The following RBFOX1 variants were observed in gnomAD, a reference collection of about 807,000 sequenced individuals.
The protein encoded by RBFOX1 is RNA binding protein fox-1 homolog 1.
Under a neutral mutation model 57.7 loss-of-function variants are expected in RBFOX1, and 8 were observed. The ratio of observed to expected loss-of-function variants is 0.14; its 90% CI spans 0.08 to 0.25. RBFOX1 has a LOEUF of 0.25. Among genes scored for constraint, RBFOX1 ranks in the 10% least tolerant of loss-of-function variants. The probability of loss-of-function intolerance (pLI) is 1.00; values close to 1 mark genes in which losing one functional copy is unlikely to be tolerated. For missense variants in RBFOX1, 611 were observed against 548.5 expected (o/e 1.11, Z -1.14); for synonymous variants, 326 against 222.4 (o/e 1.47, Z -4.15).
chr16:7,548,382 C>T (rs1410337001), intron 5 of RBFOX1, among the ~76,000 whole-genome samples: 1 of 152,134 alleles, frequency 6.6e-6, no homozygotes, highest in Admixed American at 6.5e-5. Flanking sequence ...GTCTTGAACT[C>T]CCAACCTCAG....
intron 5 of RBFOX1, among the ~76,000 whole-genome samples, chr16:7,565,437 A>T (rs1318825590): frequency 2.0e-5 from 3 of 152,096 alleles, no homozygotes; most frequent in African/African-American, 7.2e-5. Context: ...TTATTTTCTG[A>T]GCTTACAGTA....
intron 4 of RBFOX1, among the ~76,000 whole-genome samples, chr16:7,456,034 C>G (rs540413138): frequency 2.4e-3 from 368 of 152,200 alleles, no homozygotes; most frequent in Non-Finnish European, 3.9e-3. Context: ...CATGCAGGGC[C>G]CCAGGCTTTG....
intron 4 of RBFOX1, among the ~76,000 whole-genome samples, chr16:7,264,015 G>T (rs771728135): frequency 6.6e-6 from 1 of 151,352 alleles, no homozygotes; most frequent in Non-Finnish European, 1.5e-5. Context: ...TACATCTTCA[G>T]CCCCATCAAA....
At chr16:7,541,522 C>T (rs1192138437) in intron 5 of RBFOX1, among the ~76,000 whole-genome samples, 1 of 151,886 alleles carries the variant, frequency 6.6e-6, no homozygotes, top group Non-Finnish European at 1.5e-5. Context: ...CTGTCATTTA[C>T]AGGATAGGAA....
intron 1 of RBFOX1, among the ~76,000 whole-genome samples, chr16:6,117,359 A>G (rs926609435): frequency 1.3e-5 from 2 of 152,260 alleles, no homozygotes; most frequent in Admixed American, 1.3e-4. Flanking sequence ...TTCATTATGC[A>G]TTTCAAATGA....
intron 4 of RBFOX1, among the ~76,000 whole-genome samples, chr16:7,513,245 A>T (rs1489697759): frequency 6.8e-6 from 1 of 147,116 alleles, no homozygotes; most frequent in Non-Finnish European, 1.5e-5. Flanking sequence ...CTTGGGTAAC[A>T]GGAGCAAAAC....
intron 3 of RBFOX1, among the ~76,000 whole-genome samples, chr16:6,735,020 C>G (rs1021771415): frequency 3.3e-5 from 5 of 151,992 alleles, no homozygotes; most frequent in African/African-American, 9.7e-5. Flanking sequence ...CAGTGTATGT[C>G]TGTGTTCTCA....
intron 3 of RBFOX1, among the ~76,000 whole-genome samples, chr16:6,791,262 A>G (rs934701033): frequency 2.6e-5 from 4 of 152,180 alleles, no homozygotes; most frequent in Non-Finnish European, 1.5e-5. Flanking sequence ...TCCAGCTGCC[A>G]TTGACTCAGC....
At chr16:5,853,774 GA>G (rs1335641727) in intron 3 of RBFOX1, among the ~76,000 whole-genome samples, 1 of 152,038 alleles carries the variant, frequency 6.6e-6, no homozygotes. Context: ...TCTTTTCTTT[GA>G]GACAGGGTCT....
intron 1 of RBFOX1, among the ~76,000 whole-genome samples, chr16:5,412,171 C>T (rs1371817358): frequency 6.6e-6 from 1 of 151,922 alleles, no homozygotes; most frequent in East Asian, 1.9e-4. Flanking sequence ...CCCACACAGA[C>T]CTGGGTTTGA....
chr16:7,481,524 T>C (rs1004994541), intron 4 of RBFOX1, among the ~76,000 whole-genome samples: 1 of 152,360 alleles, frequency 6.6e-6, no homozygotes, highest in Admixed American at 6.5e-5. Context: ...TTGATCTTAC[T>C]TGCTGCTAGG....
At chr16:6,860,989 A>G (rs1199608450) in intron 3 of RBFOX1, among the ~76,000 whole-genome samples, 1 of 152,220 alleles carries the variant, frequency 6.6e-6, no homozygotes, top group African/African-American at 2.4e-5. Flanking sequence ...CTATGTGGGA[A>G]TGATACACAG....
At chr16:7,569,102 C>T (rs1373216025) in intron 5 of RBFOX1, among the ~76,000 whole-genome samples, 4 of 151,976 alleles carry the variant, frequency 2.6e-5, no homozygotes, top group Admixed American at 1.3e-4. Flanking sequence ...CCCCAGCACA[C>T]CATGGCTCTA....
At chr16:6,725,608 T>G (rs1386843123) in intron 3 of RBFOX1, among the ~76,000 whole-genome samples, 2 of 152,178 alleles carry the variant, frequency 1.3e-5, no homozygotes, top group South Asian at 2.1e-4. Flanking sequence ...CATCAGCTCT[T>G]GGGGCTGCTA....
chr16:5,816,749 A>T (rs948141116), intron 3 of RBFOX1, among the ~76,000 whole-genome samples: 1 of 152,062 alleles, frequency 6.6e-6, no homozygotes, highest in Admixed American at 6.6e-5. Context: ...GTCCCACTGT[A>T]CTCTAGCCTG....
chr16:7,580,141 C>T (rs1003614), intron 6 of RBFOX1, among the ~76,000 whole-genome samples: 50,226 of 152,036 alleles, frequency 0.33, 9,372 homozygotes, highest in East Asian at 0.53. Context: ...TACCAAGTGG[C>T]TTTCTTCTAA....
intron 2 of RBFOX1, among the ~76,000 whole-genome samples, chr16:5,491,642 G>A (rs1044687470): frequency 2.6e-5 from 4 of 152,210 alleles, no homozygotes; most frequent in Non-Finnish European, 5.9e-5. Flanking sequence ...GTGTTCATGT[G>A]CCTTTCAAAC....
At chr16:7,507,746 G>A (rs1028321647) in intron 4 of RBFOX1, among the ~76,000 whole-genome samples, 8 of 151,726 alleles carry the variant, frequency 5.3e-5, no homozygotes, top group Non-Finnish European at 1.0e-4. Context: ...GGTAATTTTA[G>A]TAGAGACGCG....
At chr16:5,270,227 GA>G in intron 1 of RBFOX1, 1 of 515,606 alleles carries the variant, frequency 1.9e-6, no homozygotes, top group South Asian at 2.1e-5. Flanking sequence ...AGGGAGTTAA[GA>G]AGAAAATACT....
Sources: allele counts gnomAD v4.1 joint callset (sites outside exome capture counted in the v4.1 genomes callset), GRCh38; gene constraint gnomAD v4.1.1; transcripts MANE v1.5; gene names NCBI Gene and HGNC (gene_info 2026-07-23, HGNC 2026-07-21).